LPGAT1: variants seen among roughly 807,000 people sequenced by gnomAD.
The protein encoded by LPGAT1 is acyl-CoA:lysophosphatidylglycerol acyltransferase 1.
LPGAT1 carries 11 observed loss-of-function variants against 47.5 expected under a neutral mutation model. The observed-to-expected ratio is 0.23, with a 90% CI of 0.15 to 0.38. LPGAT1 has a LOEUF of 0.38. LPGAT1 is among the 10% of genes least tolerant of loss of function. The pLI is 1.00. For synonymous variants in LPGAT1, 138 were observed against 144.2 expected, an observed-to-expected ratio of 0.96 and a Z score of 0.31; for missense variants, 293 against 439.0, an observed-to-expected ratio of 0.67 and a Z score of 2.97.
chr1:211,789,040 C>CT (rs1558269452), intron 3 of LPGAT1, among the ~76,000 whole-genome samples: 3 of 152,130 alleles, frequency 2.0e-5, no homozygotes, highest in African/African-American at 4.8e-5. Context: ...AATATTAAAT[C>CT]TTTTTTTAAA....
chr1:211,801,917 TA>T (rs1296964002), intron 2 of LPGAT1, among the ~76,000 whole-genome samples: 5 of 150,968 alleles, frequency 3.3e-5, no homozygotes, highest in Non-Finnish European at 4.4e-5. Context: ...CCATCTCTAC[TA>T]AAAAAAAATT....
At chr1:211,754,623 T>C (rs1657358551) in intron 6 of LPGAT1, among the ~76,000 whole-genome samples, 2 of 152,242 alleles carry the variant, frequency 1.3e-5, no homozygotes, top group African/African-American at 2.4e-5. Flanking sequence ...CTACCACTTA[T>C]CATTCTTAAA....
intron 2 of LPGAT1, among the ~76,000 whole-genome samples, chr1:211,815,489 C>A (rs1000490391): frequency 6.6e-6 from 1 of 152,178 alleles, no homozygotes; most frequent in Non-Finnish European, 1.5e-5. Context: ...AGGTGAGAAT[C>A]TTCCACACGG....
At chr1:211,788,339 G>A (rs889114645) in intron 3 of LPGAT1, among the ~76,000 whole-genome samples, 1 of 152,116 alleles carries the variant, frequency 6.6e-6, no homozygotes, top group Non-Finnish European at 1.5e-5. Flanking sequence ...GCTGATAAGA[G>A]TTAATACCAA....
rs372453326 is a variant in LPGAT1 at position 211,803,764 on chromosome 1, C to CTTTT, written c.239-10578_239-10575dup. On this transcript the variant is annotated intron_variant, in intron 2 of 7. Transcript: ENST00000366997. ...TGTATTTATTTTTCAGTTTTTCTTT[C>CTTTT]TTTTTTTTTTTTTTTTGACACAGTC... Among the ~76,000 whole-genome samples the CTTTT allele has an allele frequency of 9.4e-5, 13 of 139,034 alleles. No homozygotes were observed. In the East Asian group the frequency reaches 1.7e-3, roughly 18 times the overall value. The allele number at this position is 139,034 out of a possible 152,430, so 91.2% of individuals were successfully genotyped here.
intron 2 of LPGAT1, among the ~76,000 whole-genome samples, chr1:211,801,949 A>G (rs1332212691): frequency 6.6e-6 from 1 of 151,726 alleles, no homozygotes; most frequent in African/African-American, 2.4e-5. Context: ...TTAGCCAGGC[A>G]TGGTGGCACA....
chr1:211,765,909 AT>A (rs1486563081), intron 6 of LPGAT1, among the ~76,000 whole-genome samples: 2 of 152,088 alleles, frequency 1.3e-5, no homozygotes, highest in East Asian at 3.9e-4. Flanking sequence ...GAATTGATGA[AT>A]TGAGTAAAGT....
chr1:211,752,877 T>C (rs1657265944), intron 6 of LPGAT1, among the ~76,000 whole-genome samples: 1 of 151,654 alleles, frequency 6.6e-6, no homozygotes, highest in Admixed American at 6.6e-5. Flanking sequence ...TCTTGAATCT[T>C]GTTATTTAAA....
At chr1:211,823,403 T>C (rs2102606792) in intron 2 of LPGAT1, among the ~76,000 whole-genome samples, 1 of 152,296 alleles carries the variant, frequency 6.6e-6, no homozygotes, top group Non-Finnish European at 1.5e-5. Flanking sequence ...GGAATTCAAA[T>C]TCCTTCAAAG....
chr1:211,825,833 G>A (rs890234748), intron 2 of LPGAT1, among the ~76,000 whole-genome samples: 2 of 152,074 alleles, frequency 1.3e-5, no homozygotes, highest in Non-Finnish European at 2.9e-5. Context: ...GGTGGCACAC[G>A]CCTGTAGTCC....
At chr1:211,782,648 T>A (rs536000441) in intron 5 of LPGAT1, among the ~76,000 whole-genome samples, 9 of 151,938 alleles carry the variant, frequency 5.9e-5, no homozygotes, top group African/African-American at 1.2e-4. Flanking sequence ...GGTGGGAAGA[T>A]CGCTTGAGCC....
In LPGAT1 at chr1:211,830,730, G is replaced by C; in HGVS notation, c.-185C>G. 4.3e-6 allele frequency: 5 copies of C among 1,175,546 alleles called. No individual in the cohort carries two copies. Among genetic ancestry groups the C allele is most frequent in the Non-Finnish European group, 5.3e-6 (5 of 951,886 alleles). The allele number at this position is 1,175,546 out of a possible 1,614,324, so 72.8% of individuals were successfully genotyped here. On this transcript the variant is annotated 5_prime_UTR_variant, in exon 1 of 8. Transcript: ENST00000366997. This position sits in a 1 kb window ranked among gnomAD's most constrained non-coding sequence, Gnocchi z 5.9. ...CCGTTCCCCGGCGGCGCCGAGACTC[G>C]GTCCCCAAGGGCCCGGCCGCGTTCG...
chr1:211,745,781 TA>T lies in LPGAT1; in HGVS notation c.*4117del, dbSNP rs1391971734. 1 of 152,656 alleles carries T rather than the reference TA, an allele frequency of 6.6e-6. No homozygotes were observed. Among genetic ancestry groups the T allele is most frequent in the Non-Finnish European group, 1.5e-5 (1 of 68,038 alleles). 9.5% of individuals were successfully genotyped at this position (152,656 alleles called of 1,614,324 possible). On this transcript the variant is annotated 3_prime_UTR_variant, in exon 8 of 8. Transcript: ENST00000366997. ...AGCCCCTCTGTGATCTGGAAATCTC[TA>T]ACTTAGATGGTTTTGGTCCCAAACA...
intron 2 of LPGAT1, among the ~76,000 whole-genome samples, chr1:211,821,938 G>A (rs1053990815): frequency 3.9e-5 from 6 of 152,098 alleles, no homozygotes; most frequent in Non-Finnish European, 8.8e-5. Flanking sequence ...ACAAATTTTT[G>A]ACATATGAAT....
intron 2 of LPGAT1, among the ~76,000 whole-genome samples, chr1:211,800,193 A>ATTTTTTTTTTTT (rs376366429): frequency 2.1e-5 from 3 of 141,870 alleles, no homozygotes; most frequent in Non-Finnish European, 1.5e-5. Flanking sequence ...TGTCCAGCTA[A>ATTTTTTTTTTTT]TTTTTTTTTT....
chr1:211,787,388 T>A (rs2102546015), intron 4 of LPGAT1, among the ~76,000 whole-genome samples: 1 of 150,430 alleles, frequency 6.6e-6, no homozygotes, highest in African/African-American at 2.4e-5. Flanking sequence ...CTCCAAAGGC[T>A]GAGGCATGAG....
At chr1:211,775,655 G>A (rs941474378) in intron 6 of LPGAT1, among the ~76,000 whole-genome samples, 1 of 152,070 alleles carries the variant, frequency 6.6e-6, no homozygotes, top group African/African-American at 2.4e-5. Context: ...ATGGCCGGGC[G>A]CAGTGGCTCA....
At chr1:211,777,084 G>A (rs919648096) in intron 6 of LPGAT1, among the ~76,000 whole-genome samples, 5 of 152,030 alleles carry the variant, frequency 3.3e-5, no homozygotes, top group African/African-American at 1.2e-4. Context: ...CCAAATGAAC[G>A]AAAATTCTGA....
chr1:211,818,989 C>T (rs750249433), intron 2 of LPGAT1, among the ~76,000 whole-genome samples: 1 of 152,144 alleles, frequency 6.6e-6, no homozygotes, highest in African/African-American at 2.4e-5. Context: ...AATTGCTCTC[C>T]ATTCTATAAT....
Sources: gnomAD v4.1 joint callset for allele counts (sites outside exome capture counted in the v4.1 genomes callset) on GRCh38, gnomAD v4.1.1 for gene constraint, Gnocchi (gnomAD v3.1) non-coding constraint, MANE v1.5 for transcripts, NCBI Gene and HGNC (gene_info 2026-07-23, HGNC 2026-07-21) for gene names.